HERC4: variants seen among roughly 807,000 people sequenced by gnomAD.
The protein encoded by HERC4 is probable E3 ubiquitin-protein ligase HERC4.
A neutral mutation model predicts 124.3 loss-of-function variants in HERC4; 28 were observed. The ratio of observed to expected loss-of-function variants is 0.23; its 90% CI spans 0.17 to 0.31. The LOEUF (loss-of-function observed/expected upper bound fraction) is 0.31, where lower values mean the gene tolerates loss of function less well. Among genes scored for constraint, HERC4 ranks in the 10% least tolerant of loss-of-function variants. The probability of loss-of-function intolerance (pLI) is 1.00; values close to 1 mark genes in which losing one functional copy is unlikely to be tolerated. For missense variants in HERC4, 713 were observed against 1,229.3 expected (o/e 0.58, Z 6.28); for synonymous variants, 407 against 421.5 (o/e 0.97, Z 0.42).
intron 20 of HERC4, among the ~76,000 whole-genome samples, chr10:67,940,204 G>A (rs996076346): frequency 6.6e-6 from 1 of 152,130 alleles, no homozygotes; most frequent in African/African-American, 2.4e-5. Flanking sequence ...AGGATTACAG[G>A]CGTGAGCCAC....
chr10:67,940,147 C>G (rs2032752666), intron 20 of HERC4, among the ~76,000 whole-genome samples: 1 of 152,098 alleles, frequency 6.6e-6, no homozygotes, highest in Non-Finnish European at 1.5e-5. Context: ...AGGCTGGTCT[C>G]GAACTCCTGA....
Position 68,034,061 on chromosome 10 carries a change from C to T in HERC4, c.589G>A (p.Ala197Thr). 1 of 1,614,152 alleles carries T rather than the reference C, an allele frequency of 6.2e-7. No homozygotes were observed. The highest frequency in any genetic ancestry group is 8.5e-7 in the Non-Finnish European group (1 of 1,180,026). Residue 197 changes from alanine to threonine, a missense_variant, in exon 6 of 25, where the codon GCA (alanine) becomes ACA (threonine). Physicochemically the swap from Ala to Thr is moderately conservative, Grantham distance 58 (BLOSUM62 0). Transcript: ENST00000373700. ...AGTACAAAACTATGGGCTCCTCCTG[C>T]TGCAACTTGCATGAAAGGGATTCCA... ...LLGIPFMQVAAGGAHSFVLTL... is the reference protein window; with the variant it reads ...LLGIPFMQVATGGAHSFVLTL...
intron 19 of HERC4, among the ~76,000 whole-genome samples, chr10:67,943,568 TG>T (rs2033091706): frequency 6.6e-6 from 1 of 152,022 alleles, no homozygotes; most frequent in East Asian, 1.9e-4. Flanking sequence ...GGTATTAGAG[TG>T]GGGTTGAAAC....
At chr10:68,067,276 T>A (rs1258299332) in intron 3 of HERC4, 2 of 152,626 alleles carry the variant, frequency 1.3e-5, no homozygotes, top group Admixed American at 6.5e-5. Flanking sequence ...GTTTGCATTA[T>A]GATTTTTTTT....
At chr10:67,990,543 A>G in intron 13 of HERC4, 143 bp from the exon 14 acceptor site, 1 of 523,504 alleles carries the variant, frequency 1.9e-6, no homozygotes, top group Non-Finnish European at 3.3e-6. Context: ...AGAAGAAAAA[A>G]GAAAGACAAT....
At chr10:68,051,643 G>A (rs2040314682) in intron 3 of HERC4, among the ~76,000 whole-genome samples, 1 of 150,684 alleles carries the variant, frequency 6.6e-6, no homozygotes, top group Non-Finnish European at 1.5e-5. Flanking sequence ...ACAGGCGTGA[G>A]CCACCATGCC....
chr10:68,011,130 A>G (rs1038856354), intron 9 of HERC4, among the ~76,000 whole-genome samples: 7 of 152,140 alleles, frequency 4.6e-5, no homozygotes, highest in African/African-American at 1.4e-4. Context: ...TAGTATGATC[A>G]TAGCTCACTG....
At position 67,991,019 on chromosome 10, in the gene HERC4, A is replaced by G. The variant is rs892504805; in HGVS notation, c.1332-4T>C. The G allele has an allele frequency of 1.5e-6, 2 of 1,356,174 alleles. No homozygotes were observed. The highest frequency in any genetic ancestry group is 2.5e-5 in the African/African-American group (1 of 40,004). The allele number at this position is 1,356,174 out of a possible 1,614,324, so 84.0% of individuals were successfully genotyped here. A position where few individuals can be genotyped will look rare whatever the true frequency, so the allele number is the denominator to read the frequency against. On this transcript the variant is annotated splice_region_variant and splice_polypyrimidine_tract_variant and intron_variant, in intron 12 of 24. Transcript: ENST00000373700. Reference sequence around the variant, plus strand: ...TGTTCTATAGTGATCATCATTGCTAAAAAACAGAAAAGAAAAAAAAAAATA... The same window carrying G: ...TGTTCTATAGTGATCATCATTGCTAGAAAACAGAAAAGAAAAAAAAAAATA...
At chr10:67,983,745 C>G (rs948374258) in intron 15 of HERC4, among the ~76,000 whole-genome samples, 4 of 145,412 alleles carry the variant, frequency 2.8e-5, no homozygotes, top group Non-Finnish European at 4.5e-5. Context: ...CAAGATCGCA[C>G]CACTGCACTC....
At chr10:67,942,035 G>T (rs977434654) in intron 19 of HERC4, among the ~76,000 whole-genome samples, 1 of 151,910 alleles carries the variant, frequency 6.6e-6, no homozygotes, top group African/African-American at 2.4e-5. Context: ...TACTCTCCTT[G>T]GATGCTTAGA....
chr10:68,070,035 C>G (rs2041496510), intron 3 of HERC4: 3 of 928,516 alleles, frequency 3.2e-6, no homozygotes, highest in Middle Eastern at 1.1e-3. Context: ...GAGTGAGACT[C>G]TGTCTCAAAC....
Position 67,991,162 on chromosome 10 carries a change from T to C in HERC4, c.1309A>G (p.Asn437Asp). 6.5e-7 allele frequency: 1 copy of C among 1,540,030 alleles called. No individual in the cohort carries two copies. The highest frequency in any genetic ancestry group is 8.8e-7 in the Non-Finnish European group (1 of 1,142,680). Residue 437 changes from asparagine (N) to aspartate (D), a missense_variant, in exon 12 of 25, where the codon AAT becomes GAT. Physicochemically the swap from Asn to Asp is conservative, Grantham distance 23. Transcript: ENST00000373700. ...DGTFSSSGCL[N>D]GSFLAVSNDD... ...TACCTAACAGCTAAAAAACTTCCATTTAGGCAACCAGAGGAAGAAAACGTT... is the reference window on the plus strand; with the variant it reads ...TACCTAACAGCTAAAAAACTTCCATCTAGGCAACCAGAGGAAGAAAACGTT...
At chr10:68,059,909 ATAT>A (rs1380957664) in intron 3 of HERC4, among the ~76,000 whole-genome samples, 3 of 119,004 alleles carry the variant, frequency 2.5e-5, no homozygotes, top group African/African-American at 3.4e-5. Flanking sequence ...ATATTATATA[ATAT>A]TATATATCAT....
intron 4 of HERC4, among the ~76,000 whole-genome samples, chr10:68,041,994 C>T (rs1041767529): frequency 2.6e-5 from 4 of 152,036 alleles, no homozygotes; most frequent in Admixed American, 1.3e-4. Context: ...TAACCTAATG[C>T]GAATCTTCAC....
intron 8 of HERC4, among the ~76,000 whole-genome samples, chr10:68,019,536 T>C (rs1245239791): frequency 6.6e-6 from 1 of 151,902 alleles, no homozygotes. Context: ...TCTTGGAAAA[T>C]CGTGGAATAA....
intron 15 of HERC4, among the ~76,000 whole-genome samples, chr10:67,970,016 C>T (rs922442865): frequency 1.3e-5 from 2 of 152,170 alleles, no homozygotes; most frequent in Non-Finnish European, 2.9e-5. Context: ...CAAACATTCA[C>T]AAAAACCATT....
chr10:67,937,366 T>G (rs929777640), intron 21 of HERC4, among the ~76,000 whole-genome samples: 2 of 152,048 alleles, frequency 1.3e-5, no homozygotes, highest in Non-Finnish European at 1.5e-5. Context: ...CACTGAAAAA[T>G]CTCTGAGAAA....
chr10:68,042,223 G>A (rs1311710382), intron 4 of HERC4, among the ~76,000 whole-genome samples: 1 of 152,158 alleles, frequency 6.6e-6, no homozygotes, highest in Non-Finnish European at 1.5e-5. Context: ...TGGCCAGGCT[G>A]GTATTGAACT....
intron 16 of HERC4, chr10:67,965,299 T>C (rs2034793928): frequency 6.6e-6 from 1 of 152,106 alleles, no homozygotes. Context: ...TTTTTTGCTT[T>C]GTTTGACTAT....
Sources: gnomAD v4.1 joint callset for allele counts (sites outside exome capture counted in the v4.1 genomes callset) on GRCh38, gnomAD v4.1.1 for gene constraint, MANE v1.5 for transcripts, NCBI Gene and HGNC (gene_info 2026-07-23, HGNC 2026-07-21) for gene names.